The following DOCK5 variants were observed in gnomAD, a reference collection of about 807,000 sequenced individuals.
DOCK5 encodes the protein dedicator of cytokinesis 5.
DOCK5 carries 142 observed loss-of-function variants against 251.8 expected under a neutral mutation model. The observed-to-expected ratio is 0.56, with a 90% CI of 0.49 to 0.65. The LOEUF (loss-of-function observed/expected upper bound fraction) is 0.65, where lower values mean the gene tolerates loss of function less well. Ranked by LOEUF, DOCK5 falls within the 30% of genes least tolerant of loss-of-function variation. DOCK5 has a pLI of 0.00. For synonymous variants in DOCK5, 842 were observed against 835.5 expected, an observed-to-expected ratio of 1.01 and a Z score of -0.13; for missense variants, 2,111 against 2,312.3, an observed-to-expected ratio of 0.91 and a Z score of 1.79.
intron 13 of DOCK5, among the ~76,000 whole-genome samples, chr8:25,316,766 G>C (rs1021167455): frequency 6.6e-6 from 1 of 152,106 alleles, no homozygotes; most frequent in Non-Finnish European, 1.5e-5. Context: ...ATTTTTAATA[G>C]AGAAAGAATT....
rs199849570 is a variant in DOCK5 at position 25,341,048 on chromosome 8, C to T, written c.2439+60C>T. The T allele has an allele frequency of 2.4e-3, 3,206 of 1,337,190 alleles. 93 individuals are homozygous for T. In the South Asian group the frequency reaches 0.039, roughly 16 times the overall value. The allele number at this position is 1,337,190 out of a possible 1,614,324, so 82.8% of individuals were successfully genotyped here. On this transcript the variant is annotated intron_variant, in intron 23 of 51. Transcript: ENST00000276440. ...GGCTGTGGTAAGGATGTTCTGGGACCGCTTAGAATTGGCCATCATGAGGGA... is the reference window on the plus strand; with the variant it reads ...GGCTGTGGTAAGGATGTTCTGGGACTGCTTAGAATTGGCCATCATGAGGGA...
At chr8:25,293,412 A>G (rs979408350) in intron 6 of DOCK5, among the ~76,000 whole-genome samples, 2 of 152,208 alleles carry the variant, frequency 1.3e-5, no homozygotes, top group Admixed American at 1.3e-4. Flanking sequence ...AACACCTTCT[A>G]TGTACATTTC....
intron 20 of DOCK5, among the ~76,000 whole-genome samples, chr8:25,333,004 C>T (rs897397922): frequency 1.3e-5 from 2 of 152,278 alleles, no homozygotes; most frequent in Non-Finnish European, 2.9e-5. Flanking sequence ...AGCATTGTTA[C>T]ATGTTGGATT....
At chr8:25,371,751 T>C (rs976199828) in intron 34 of DOCK5, among the ~76,000 whole-genome samples, 9 of 152,210 alleles carry the variant, frequency 5.9e-5, no homozygotes, top group Non-Finnish European at 1.3e-4. Flanking sequence ...TACATAAGGA[T>C]CTTACTTTGT....
chr8:25,250,203 C>A (rs1803229935), intron 2 of DOCK5, among the ~76,000 whole-genome samples: 1 of 152,170 alleles, frequency 6.6e-6, no homozygotes, highest in Admixed American at 6.5e-5. Flanking sequence ...GAGCTTCTAT[C>A]CATCATCTTT....
chr8:25,237,197 T>C (rs1029281199), intron 1 of DOCK5, among the ~76,000 whole-genome samples: 1 of 151,962 alleles, frequency 6.6e-6, no homozygotes, highest in African/African-American at 2.4e-5. Flanking sequence ...TGAAACTTTG[T>C]CTCTACAAAA....
intron 25 of DOCK5, among the ~76,000 whole-genome samples, chr8:25,342,848 G>T (rs1175247189): frequency 1.4e-5 from 2 of 142,138 alleles, no homozygotes; most frequent in African/African-American, 5.3e-5. Flanking sequence ...ACAAGGACCT[G>T]CCACCAAGCC....
At chr8:25,222,947 C>A (rs1264322261) in intron 1 of DOCK5, among the ~76,000 whole-genome samples, 2 of 152,180 alleles carry the variant, frequency 1.3e-5, no homozygotes, top group Admixed American at 1.3e-4. Context: ...GGCTTCTCAC[C>A]CTACCTGGAG....
intron 1 of DOCK5, among the ~76,000 whole-genome samples, chr8:25,198,343 G>T (rs1801785844): frequency 6.6e-6 from 1 of 152,132 alleles, no homozygotes; most frequent in African/African-American, 2.4e-5. Context: ...AGCTGAGGCG[G>T]GTAGATCACC....
intron 12 of DOCK5, 115 bp downstream of exon 12, chr8:25,309,040 TG>T (rs1805021922): frequency 6.4e-6 from 9 of 1,405,210 alleles, no homozygotes; most frequent in Non-Finnish European, 8.5e-6. Context: ...CAGCCTCTGC[TG>T]GGGACCATCC....
chr8:25,358,178 A>T (rs994973323), intron 27 of DOCK5, among the ~76,000 whole-genome samples: 1 of 152,170 alleles, frequency 6.6e-6, no homozygotes, highest in Non-Finnish European at 1.5e-5. Flanking sequence ...TATAGAGGAA[A>T]GAGGTTTAAT....
intron 1 of DOCK5, among the ~76,000 whole-genome samples, chr8:25,215,416 G>C (rs925347475): frequency 2.6e-5 from 4 of 152,032 alleles, no homozygotes; most frequent in African/African-American, 9.7e-5. Flanking sequence ...AGAACTTTCA[G>C]TGCTTCAAGT....
chr8:25,411,187 T>C lies in DOCK5; in HGVS notation c.5509-7T>C. On this transcript the variant is annotated splice_region_variant and splice_polypyrimidine_tract_variant and intron_variant, in intron 51 of 51. Transcript: ENST00000276440. ...CTGCTTCTAATTTTGTGTTTCTGCT[T>C]CTGCAGCTCGCTCCCCCACTGCCTG... The C allele has an allele frequency of 6.4e-7, 1 of 1,556,736 alleles. No homozygotes were observed. Among genetic ancestry groups the C allele is most frequent in the South Asian group, 1.2e-5 (1 of 83,632 alleles).
At chr8:25,380,882 T>TGGA (rs1235574674) in intron 39 of DOCK5, among the ~76,000 whole-genome samples, 2 of 150,090 alleles carry the variant, frequency 1.3e-5, no homozygotes, top group African/African-American at 4.9e-5. Context: ...GAATGCCCAG[T>TGGA]GGAGGCAGCA....
At chr8:25,191,779 T>A (rs1397678265) in intron 1 of DOCK5, among the ~76,000 whole-genome samples, 1 of 151,310 alleles carries the variant, frequency 6.6e-6, no homozygotes, top group African/African-American at 2.4e-5. Flanking sequence ...TATATATATA[T>A]ATTTATTATA....
intron 38 of DOCK5, 121 bp from the exon 39 acceptor site, chr8:25,380,184 T>G: frequency 1.3e-6 from 1 of 769,750 alleles, no homozygotes. Context: ...GTGAGGAATA[T>G]CTACCGAAAC....
intron 21 of DOCK5, among the ~76,000 whole-genome samples, chr8:25,335,212 C>A (rs1289812449): frequency 6.6e-6 from 1 of 152,212 alleles, no homozygotes; most frequent in Non-Finnish European, 1.5e-5. Flanking sequence ...TTGCTGCCCA[C>A]TGACTTGTCA....
At position 25,374,480 on chromosome 8, in the gene DOCK5, C is replaced by T. The variant is rs912751977; in HGVS notation, c.3726-84C>T. 7.4e-5 allele frequency: 97 copies of T among 1,311,436 alleles called. No homozygotes were observed. In the African/African-American group the frequency reaches 1.2e-3, roughly 17 times the overall value. The allele number at this position is 1,311,436 out of a possible 1,614,324, so 81.2% of individuals were successfully genotyped here. On this transcript the variant is annotated intron_variant, in intron 36 of 51. Coordinates refer to ENST00000276440, the MANE Select transcript of DOCK5 (RefSeq NM_024940.8). ...ACTGCATACTGCAGCCTGGGCAATA[C>T]AGCAAGACCCTGTCTCAAAACAGAA...
At chr8:25,241,214 C>T (rs1226656336) in intron 1 of DOCK5, among the ~76,000 whole-genome samples, 4 of 152,142 alleles carry the variant, frequency 2.6e-5, no homozygotes, top group Admixed American at 2.0e-4. Context: ...CGGTGGCTCA[C>T]GCCTGTAATC....
Sources: gnomAD v4.1 joint callset for allele counts (sites outside exome capture counted in the v4.1 genomes callset) on GRCh38, gnomAD v4.1.1 for gene constraint, MANE v1.5 for transcripts, NCBI Gene and HGNC (gene_info 2026-07-23, HGNC 2026-07-21) for gene names.